Variants in UBN2 observed in about 807,000 individuals in gnomAD.
The protein encoded by UBN2 is ubinuclein-2.
UBN2 carries 35 observed loss-of-function variants against 120.2 expected under a neutral mutation model. That is an observed-to-expected ratio of 0.29 (90% CI 0.22 to 0.39). UBN2 has a LOEUF of 0.39. Among genes scored for constraint, UBN2 ranks in the 10% least tolerant of loss-of-function variants. The pLI is 1.00. For synonymous variants in UBN2, 661 were observed against 648.7 expected, an observed-to-expected ratio of 1.02 and a Z score of -0.29; for missense variants, 1,693 against 1,663.2, an observed-to-expected ratio of 1.02 and a Z score of -0.31.
chr7:139,266,506 CTTCCCCT>C, intron 7 of UBN2, 103 bp downstream of exon 7: 1 of 627,616 alleles, frequency 1.6e-6, no homozygotes. Flanking sequence ...GGCATGAGTT[CTTCCCCT>C]TAAGCCTTAC....
At chr7:139,234,636 A>G (rs1796115461) in intron 1 of UBN2, among the ~76,000 whole-genome samples, 1 of 152,206 alleles carries the variant, frequency 6.6e-6, no homozygotes, top group Non-Finnish European at 1.5e-5. Flanking sequence ...CTAAAGGGTA[A>G]TAGTGCATTT....
chr7:139,323,598 ATTATTT>A, the UBN2 span, among the ~76,000 whole-genome samples: 5 of 140,462 alleles, frequency 3.6e-5, no homozygotes, highest in Non-Finnish European at 6.1e-5. Flanking sequence ...TATTATTATT[ATTATTT>A]TTGAGACGGA....
intron 2 of UBN2, among the ~76,000 whole-genome samples, chr7:139,248,608 A>G (rs945676918): frequency 6.6e-6 from 1 of 152,094 alleles, no homozygotes; most frequent in Non-Finnish European, 1.5e-5. Flanking sequence ...AATGCTGTTC[A>G]TTAATCTTTT....
chr7:139,309,141 G>A (rs1193155873), downstream of UBN2, among the ~76,000 whole-genome samples: 1 of 152,232 alleles, frequency 6.6e-6, no homozygotes, highest in East Asian at 1.9e-4. Context: ...CAGAGAAAGT[G>A]AATATAAGTG....
intron 8 of UBN2, 36 bp from the exon 9 acceptor site, chr7:139,272,286 G>A (rs753761295): frequency 1.3e-6 from 2 of 1,500,192 alleles, no homozygotes; most frequent in South Asian, 1.2e-5. Flanking sequence ...TCGTAAATAT[G>A]TCTGATAAAA....
At chr7:139,247,477 A>G (rs1399579641) in intron 2 of UBN2, among the ~76,000 whole-genome samples, 1 of 152,234 alleles carries the variant, frequency 6.6e-6, no homozygotes, top group Non-Finnish European at 1.5e-5. Context: ...TAGAATTTTT[A>G]AAAGAATGGC....
At chr7:139,253,176 A>G (rs1796666150) in intron 3 of UBN2, among the ~76,000 whole-genome samples, 1 of 152,218 alleles carries the variant, frequency 6.6e-6, no homozygotes, top group South Asian at 2.1e-4. Flanking sequence ...ATCTACACCC[A>G]TTTGATGTAC....
At chr7:139,238,400 G>GT (rs1012336207) in intron 2 of UBN2, among the ~76,000 whole-genome samples, 6 of 152,066 alleles carry the variant, frequency 3.9e-5, no homozygotes, top group African/African-American at 7.2e-5. Context: ...TTTTGGTGAG[G>GT]TTTTTTAGCT....
At chr7:139,236,591 TTTTC>T (rs1271277467) in intron 1 of UBN2, among the ~76,000 whole-genome samples, 4 of 152,252 alleles carry the variant, frequency 2.6e-5, no homozygotes, top group Non-Finnish European at 5.9e-5. Flanking sequence ...TGGGGATTTT[TTTTC>T]TTTGTTATTT....
chr7:139,326,703 A>G, the UBN2 span, among the ~76,000 whole-genome samples: 17 of 152,334 alleles, frequency 1.1e-4, no homozygotes, highest in East Asian at 2.5e-3. Flanking sequence ...GGCCATGCCA[A>G]TTAGAACCAC....
At position 139,283,707 on chromosome 7, in the gene UBN2, T is replaced by C. The variant is rs1208729379; in HGVS notation, c.2802T>C (p.Ala934=). The part of the protein sequence containing the change: ...TQVTKVHQHS[A]VQQNYVSPLQ... The stretch of plus-strand genomic sequence containing the variant: ...TAACAAAGGTGCACCAGCATTCAGC[T>C]GTCCAGCAGAACTATGTGTCTCCAT... The change falls in exon 15 of 18, where the codon GCT becomes GCC. Residue 934 remains alanine (A), a synonymous_variant. Coordinates refer to ENST00000473989, the MANE Select transcript of UBN2 (RefSeq NM_173569.4). The C allele has an allele frequency of 6.2e-7, 1 of 1,614,124 alleles. No individual in the cohort carries two copies.
intron 2 of UBN2, among the ~76,000 whole-genome samples, chr7:139,240,547 T>C (rs1316603671): frequency 6.6e-6 from 1 of 151,634 alleles, no homozygotes. Context: ...CTGGGCGTTA[T>C]ATGCCTAGAG....
intron 2 of UBN2, among the ~76,000 whole-genome samples, chr7:139,248,220 AAG>A (rs1796525401): frequency 6.6e-6 from 1 of 152,178 alleles, no homozygotes; most frequent in Non-Finnish European, 1.5e-5. Context: ...AAATAAGATG[AAG>A]AGTTTTAAAA....
intron 12 of UBN2, chr7:139,277,044 C>G (rs1797463335): frequency 6.8e-6 from 1 of 147,060 alleles, no homozygotes; most frequent in African/African-American, 2.5e-5. Flanking sequence ...GCCTGGGGGA[C>G]AGAACAGACC....
At chr7:139,265,320 T>G (rs1163732001) in intron 6 of UBN2, among the ~76,000 whole-genome samples, 2 of 151,754 alleles carry the variant, frequency 1.3e-5, no homozygotes, top group Non-Finnish European at 1.5e-5. Flanking sequence ...CTACTGAAAA[T>G]ACACAAAATT....
At position 139,297,960 on chromosome 7, in the gene UBN2, C is replaced by T; in HGVS notation, c.*124C>T. 9.3e-7 allele frequency: 1 copy of T among 1,070,602 alleles called. No individual in the cohort carries two copies. The highest frequency in any genetic ancestry group is 1.4e-6 in the Non-Finnish European group (1 of 714,486). The allele number at this position is 1,070,602 out of a possible 1,614,324, so 66.3% of individuals were successfully genotyped here. A position where few individuals can be genotyped will look rare whatever the true frequency, so the allele number is the denominator to read the frequency against. On this transcript the variant is annotated 3_prime_UTR_variant, in exon 18 of 18. Coordinates refer to ENST00000473989, the MANE Select transcript of UBN2 (RefSeq NM_173569.4). Reference sequence around the variant, plus strand: ...TGTTTACATTCTCTCGTCCCAAGCACTGTGGTGAGGAGGAAAAAGAAAAGA... The same window carrying T: ...TGTTTACATTCTCTCGTCCCAAGCATTGTGGTGAGGAGGAAAAAGAAAAGA...
downstream of UBN2, among the ~76,000 whole-genome samples, chr7:139,311,303 G>A (rs1339358405): frequency 2.0e-5 from 3 of 152,186 alleles, no homozygotes; most frequent in African/African-American, 7.2e-5. Context: ...TATGTGCCTA[G>A]GCGTAGTTTG....
chr7:139,327,127 G>A, the UBN2 span, among the ~76,000 whole-genome samples: 2 of 152,156 alleles, frequency 1.3e-5, no homozygotes, highest in East Asian at 1.9e-4. Flanking sequence ...TCCGCCTCCC[G>A]GGTTCAAGCG....
chr7:139,284,622 TGTC>T (rs1563224314), intron 15 of UBN2, 48 bp downstream of exon 15: 6 of 1,499,804 alleles, frequency 4.0e-6, no homozygotes, highest in Admixed American at 2.0e-5. Context: ...GATTGTATAA[TGTC>T]GTCTTTCTTG....
Sources: allele counts gnomAD v4.1 joint callset (sites outside exome capture counted in the v4.1 genomes callset), GRCh38; gene constraint gnomAD v4.1.1; transcripts MANE v1.5; gene names NCBI Gene and HGNC (gene_info 2026-07-23, HGNC 2026-07-21).